The following LAMB4 variants were observed in gnomAD, a reference collection of about 807,000 sequenced individuals.
The protein encoded by LAMB4 is laminin subunit beta 4.
A neutral mutation model predicts 199.2 loss-of-function variants in LAMB4; 196 were observed. That is an observed-to-expected ratio of 0.98 (90% CI 0.88 to 1.11). The LOEUF is 1.11. Ranked by LOEUF, LAMB4 falls within the 50% of genes least tolerant of loss-of-function variation. The pLI, the probability that LAMB4 is intolerant of heterozygous loss-of-function variation, is 0.00. For missense variants in LAMB4, 2,080 were observed against 2,171.2 expected (o/e 0.96, Z 0.83); for synonymous variants, 744 against 770.6 (o/e 0.97, Z 0.57).
intron 31 of LAMB4, among the ~76,000 whole-genome samples, chr7:108,033,528 C>A (rs372343790): frequency 6.6e-6 from 1 of 152,204 alleles, no homozygotes; most frequent in South Asian, 2.1e-4. Flanking sequence ...GTTGCCTCAG[C>A]CTTCCAAGTA....
chr7:108,013,524 A>T, the LAMB4 span, among the ~76,000 whole-genome samples: 1 of 152,218 alleles, frequency 6.6e-6, no homozygotes, highest in Non-Finnish European at 1.5e-5. Flanking sequence ...TGCAGAAAGC[A>T]TCATGCCCAC....
chr7:108,118,260 G>C (rs1416665922), intron 2 of LAMB4, among the ~76,000 whole-genome samples: 1 of 152,094 alleles, frequency 6.6e-6, no homozygotes, highest in Non-Finnish European at 1.5e-5. Context: ...CAAAATGATA[G>C]TGATAATTTT....
At chr7:108,118,274 G>A (rs2038478596) in intron 2 of LAMB4, among the ~76,000 whole-genome samples, 1 of 152,016 alleles carries the variant, frequency 6.6e-6, no homozygotes, top group African/African-American at 2.4e-5. Flanking sequence ...TAATTTTGTA[G>A]ATGTAAAATA....
chr7:108,052,460 A>G (rs886878469), intron 25 of LAMB4, among the ~76,000 whole-genome samples: 1 of 152,172 alleles, frequency 6.6e-6, no homozygotes, highest in African/African-American at 2.4e-5. Context: ...GACTATTGCA[A>G]CATTCATTTA....
chr7:108,126,523 T>C (rs2038784870), intron 1 of LAMB4, among the ~76,000 whole-genome samples: 3 of 151,674 alleles, frequency 2.0e-5, no homozygotes, highest in Non-Finnish European at 4.4e-5. Flanking sequence ...TAAAGGTTCA[T>C]CCATGTTGTA....
chr7:108,124,652 C>T lies in LAMB4; in HGVS notation c.-33-1455G>A, dbSNP rs2038714918. ...TGGAGTATTATTTTTAAATATCTGT[C>T]AGTTTAAAAGGCAAAAAAAAAACAA... On this transcript the variant is annotated intron_variant, in intron 1 of 33. Coordinates refer to ENST00000388781, the MANE Select transcript of LAMB4 (RefSeq NM_007356.3). Among the ~76,000 whole-genome samples, 3 of 138,266 alleles carry T rather than the reference C, an allele frequency of 2.2e-5. No individual in the cohort carries two copies. The South Asian group carries it at 7.0e-4, about 32-fold the overall frequency. The allele number at this position is 138,266 out of a possible 152,430, so 90.7% of individuals were successfully genotyped here.
chr7:108,036,667 G>A lies in LAMB4; in HGVS notation c.4679+721C>T, dbSNP rs149163228. Among the ~76,000 whole-genome samples, 446 of 152,140 alleles carry A rather than the reference G, an allele frequency of 2.9e-3. 3 individuals carry two copies. The highest frequency in any genetic ancestry group is 3.4e-3 in the Middle Eastern group (1 of 294). The stretch of plus-strand genomic sequence containing the variant: ...GTGTTGATGATACTACCACCTAACT[G>A]ATCCTGTAACCCTGACCCACAGCAC... On this transcript the variant is annotated intron_variant, in intron 30 of 33. Transcript: ENST00000388781.
chr7:108,020,470 CAAA>C (rs57432162), downstream of LAMB4, among the ~76,000 whole-genome samples: 26 of 62,956 alleles, frequency 4.1e-4, no homozygotes, highest in African/African-American at 1.1e-3. Context: ...GACTCCATCT[CAAA>C]AAAAAAAAAA....
In LAMB4 at chr7:108,091,639, C is replaced by A. The variant is rs201557730; in HGVS notation, c.1688G>T (p.Gly563Val). ...YEAEEATTLQ[G>V]LAPLGSETFG... ...TGAAATACGAACCAAAGGCGCCAGT[C>A]CTTGGAGTGTTGTGGCTTCCTCTGC... is the stretch of plus-strand genomic sequence containing the variant. The change falls in exon 14 of 34, where the codon GGA becomes GTA. Residue 563 changes from glycine (G) to valine (V), a missense_variant. By Grantham distance (109) the Gly-to-Val change is moderately radical. Transcript: ENST00000388781. The A allele has an allele frequency of 1.9e-6, 3 of 1,613,546 alleles. No homozygotes were observed. In the East Asian group the frequency reaches 6.7e-5, roughly 36 times the overall value.
chr7:108,036,219 C>T (rs2701045), intron 30 of LAMB4, among the ~76,000 whole-genome samples: 29,929 of 149,890 alleles, frequency 0.2, 6,776 homozygotes, highest in African/African-American at 0.56. Flanking sequence ...GACGGAGTTT[C>T]GATTTTGTTG....
At chr7:108,117,476 G>T (rs1405170937) in intron 2 of LAMB4, among the ~76,000 whole-genome samples, 1 of 152,070 alleles carries the variant, frequency 6.6e-6, no homozygotes, top group Admixed American at 6.6e-5. Flanking sequence ...TCTTACTGGG[G>T]GTTAAGATCT....
At chr7:108,119,915 C>T (rs2150691374) in intron 2 of LAMB4, among the ~76,000 whole-genome samples, 1 of 152,244 alleles carries the variant, frequency 6.6e-6, no homozygotes, top group South Asian at 2.1e-4. Flanking sequence ...TTTCTTACAG[C>T]TGTGTGTGAC....
chr7:108,109,148 G>A, intron 5 of LAMB4, 23 bp downstream of exon 5: 2 of 1,543,642 alleles, frequency 1.3e-6, no homozygotes, highest in Non-Finnish European at 1.8e-6. Context: ...TAAAAGAGGG[G>A]CAGCAGGCCT....
chr7:108,071,365 C>T (rs2036530307), intron 17 of LAMB4, among the ~76,000 whole-genome samples: 1 of 152,182 alleles, frequency 6.6e-6, no homozygotes, highest in Non-Finnish European at 1.5e-5. Context: ...AACTCCACAC[C>T]TACTTCCTAG....
chr7:108,113,688 C>T (rs1204981778), intron 3 of LAMB4, among the ~76,000 whole-genome samples: 1 of 152,068 alleles, frequency 6.6e-6, no homozygotes, highest in Non-Finnish European at 1.5e-5. Flanking sequence ...TTTTGGTTAA[C>T]ATTTTAGAAG....
intron 13 of LAMB4, among the ~76,000 whole-genome samples, chr7:108,092,129 A>G (rs1362837454): frequency 6.6e-6 from 1 of 152,156 alleles, no homozygotes; most frequent in Non-Finnish European, 1.5e-5. Flanking sequence ...CCATGCCACC[A>G]GCTTGTGGTG....
intron 23 of LAMB4, among the ~76,000 whole-genome samples, chr7:108,058,895 G>A (rs905840661): frequency 1.3e-5 from 2 of 151,924 alleles, no homozygotes; most frequent in Non-Finnish European, 1.5e-5. Context: ...GACCTCAAGC[G>A]ACCCACCTGC....
intron 29 of LAMB4, 90 bp from the exon 30 acceptor site, chr7:108,037,685 T>C (rs1265735463): frequency 1.7e-5 from 15 of 892,220 alleles, no homozygotes; most frequent in Non-Finnish European, 2.7e-5. Flanking sequence ...CTCAGCCAAA[T>C]GCACTTGCAC....
At chr7:108,103,352 T>C (rs932804129) in intron 9 of LAMB4, 120 bp from the exon 10 acceptor site, 4 of 768,550 alleles carry the variant, frequency 5.2e-6, no homozygotes, top group African/African-American at 5.2e-5. Flanking sequence ...TCGTGTTCTT[T>C]GTATAGATGC....
Sources: allele counts gnomAD v4.1 joint callset (sites outside exome capture counted in the v4.1 genomes callset), GRCh38; gene constraint gnomAD v4.1.1; transcripts MANE v1.5; gene names NCBI Gene and HGNC (gene_info 2026-07-23, HGNC 2026-07-21).